Variants in PTCHD1 observed in about 807,000 individuals in gnomAD.
The protein encoded by PTCHD1 is patched domain containing 1, also known as patched domain-containing protein 1.
PTCHD1 carries 3 observed loss-of-function variants against 34.6 expected under a neutral mutation model. That is an observed-to-expected ratio of 0.09 (90% CI 0.04 to 0.22). The LOEUF (loss-of-function observed/expected upper bound fraction) is 0.22, where lower values mean the gene tolerates loss of function less well. PTCHD1 is among the 10% of genes least tolerant of loss of function. The probability of loss-of-function intolerance (pLI) is 1.00; values close to 1 mark genes in which losing one functional copy is unlikely to be tolerated. For missense variants in PTCHD1, 504 were observed against 685.5 expected, an observed-to-expected ratio of 0.74 and a Z score of 2.96; for synonymous variants, 305 against 283.1, an observed-to-expected ratio of 1.08 and a Z score of -0.77.
intron 1 of PTCHD1, among the ~76,000 whole-genome samples, chrX:23,365,541 C>G (rs1039269305): frequency 2.7e-5 from 3 of 111,285 alleles, no homozygotes; most frequent in Admixed American, 9.6e-5. Context: ...TATAATTAAG[C>G]AGGCCACTTC....
Position 23,393,138 on chromosome X carries a change from G to A in PTCHD1, c.1620G>A (p.Glu540=), listed in dbSNP as rs1922882183. Residue 540 remains glutamate (E), a synonymous_variant, in exon 3 of 3, where the codon GAG becomes GAA. Coordinates refer to ENST00000379361, the MANE Select transcript of PTCHD1 (RefSeq NM_173495.3). The part of the protein sequence containing the change: ...NIVATATQTI[E]YTTAQQKYFS... ...TAGCAACCGCGACACAAACCATTGA[G>A]TACACTACTGCCCAGCAAAAGTACT... 8.3e-7 allele frequency: 1 copy of A among 1,209,915 alleles called. No homozygotes were observed. Among genetic ancestry groups the A allele is most frequent in the Admixed American group, 2.2e-5 (1 of 45,799 alleles).
At chrX:23,348,400 A>G (rs1921535915) in intron 1 of PTCHD1, among the ~76,000 whole-genome samples, 1 of 111,340 alleles carries the variant, frequency 9.0e-6, no homozygotes, top group Non-Finnish European at 1.9e-5. Context: ...ACAATGGCCA[A>G]AAACTTTCTA....
intron 1 of PTCHD1, among the ~76,000 whole-genome samples, chrX:23,365,450 A>T (rs988672218): frequency 1.4e-4 from 16 of 110,980 alleles, no homozygotes; most frequent in Non-Finnish European, 2.6e-4. Flanking sequence ...AATCAAGTAA[A>T]GGCAGCTTAC....
rs1447660431 is a variant in PTCHD1 at position 23,394,577 on chromosome X, CA to C, written c.*394del. 6.8e-6 allele frequency: 1 copy of C among 147,909 alleles called. No homozygotes were observed. The highest frequency in any genetic ancestry group is 3.1e-5 in the African/African-American group (1 of 31,838). 12.2% of individuals were successfully genotyped at this position (147,909 alleles called of 1,213,427 possible). A position where few individuals can be genotyped will look rare whatever the true frequency, so the allele number is the denominator to read the frequency against. ...TGACAAAACCCACTGATTGAAAGGTCAACTGCCAAGGCAGAAACACCTTTAA... is the reference window on the plus strand; with the variant it reads ...TGACAAAACCCACTGATTGAAAGGTCACTGCCAAGGCAGAAACACCTTTAA... On this transcript the variant is annotated 3_prime_UTR_variant, in exon 3 of 3. Transcript: ENST00000379361.
rs1014929464 is a variant in PTCHD1, at chrX:23,340,948, C to A, written c.351+5722C>A. 2.7e-5 allele frequency among the ~76,000 whole-genome samples: 3 copies of A among 112,410 alleles called. No individual in the cohort carries two copies. The Admixed American group carries it at 2.8e-4, about 11-fold the overall frequency. On this transcript the variant is annotated intron_variant, in intron 1 of 2. Coordinates refer to ENST00000379361, the MANE Select transcript of PTCHD1 (RefSeq NM_173495.3). ...GGGAAAATTAAGGAGAGACTGAGAT[C>A]GGTTTTCATTCTCCTTTCATTTCGT...
chrX:23,334,980 C>G lies in PTCHD1; in HGVS notation c.105C>G (p.Ile35Met), dbSNP rs374630147. 7 of 1,208,068 alleles carry G rather than the reference C, an allele frequency of 5.8e-6. No individual in the cohort carries two copies. Among genetic ancestry groups the G allele is most frequent in the Middle Eastern group, 2.3e-4 (1 of 4,365 alleles). Residue 35 changes from isoleucine (I) to methionine (M), a missense_variant, in exon 1 of 3, where the codon ATC (isoleucine) becomes ATG (methionine). Coordinates refer to ENST00000379361, the MANE Select transcript of PTCHD1 (RefSeq NM_173495.3). ...PVFFASAPVL[I>M]SILLGASFSR... ...TCTTCGCCTCGGCGCCGGTGCTCAT[C>G]TCCATCCTGCTCGGCGCCAGCTTCA...
rs765921933 is a variant in PTCHD1 at position 23,334,870 on chromosome X, T to G, written c.-6T>G. 1.7e-6 allele frequency: 2 copies of G among 1,183,460 alleles called. No individual in the cohort carries two copies. On this transcript the variant is annotated 5_prime_UTR_variant, in exon 1 of 3. Coordinates refer to ENST00000379361, the MANE Select transcript of PTCHD1 (RefSeq NM_173495.3). ...CGCCCTCCTCCCGCGCCCGCTCTGC[T>G]CTAGGATGCTGCGGCAGGTTCTGCA...
rs1439312781 is a variant in PTCHD1, at chrX:23,394,321, A to G, written c.*136A>G. 1 of 481,271 alleles carries G rather than the reference A, an allele frequency of 2.1e-6. No homozygotes were observed. The highest frequency in any genetic ancestry group is 2.5e-5 in the African/African-American group (1 of 39,699). The allele number at this position is 481,271 out of a possible 1,213,427, so 39.7% of individuals were successfully genotyped here. ...CATTGCCAAAAAAAAAAAAAAAAAA[A>G]AAAGGAAAGGACAGTGGGGAGAAAT... On this transcript the variant is annotated 3_prime_UTR_variant, in exon 3 of 3. Transcript: ENST00000379361.
rs749301790 is a variant in PTCHD1, at chrX:23,348,636, GATAA to G, written c.351+13414_351+13417del. ...GAAAAAACTGCAAGAAGAGAATGAA[GATAA>G]ATAGTTAAAGGGTTAAAATGAAAAA... On this transcript the variant is annotated intron_variant, in intron 1 of 2. Coordinates refer to ENST00000379361, the MANE Select transcript of PTCHD1 (RefSeq NM_173495.3). 5.5e-5 allele frequency among the ~76,000 whole-genome samples: 6 copies of G among 109,230 alleles called. No individual in the cohort carries two copies. The South Asian group carries it at 2.4e-3, about 43-fold the overall frequency. The allele number at this position is 109,230 out of a possible 115,157, so 94.9% of individuals were successfully genotyped here. A position where few individuals can be genotyped will look rare whatever the true frequency, so the allele number is the denominator to read the frequency against.
chrX:23,390,329 G>GAA (rs754868031), intron 2 of PTCHD1, among the ~76,000 whole-genome samples: 52 of 69,515 alleles, frequency 7.5e-4, no homozygotes, highest in African/African-American at 1.7e-3. Flanking sequence ...ATGGCCCCAG[G>GAA]AAAAAAAAAA....
Position 23,358,883 on chromosome X carries a change from C to A in PTCHD1, c.352-20708C>A, listed in dbSNP as rs749700367. 2.0e-3 allele frequency among the ~76,000 whole-genome samples: 224 copies of A among 112,018 alleles called. 1 individual carries two copies. The highest frequency in any genetic ancestry group is 5.1e-3 in the African/African-American group (158 of 30,845). ...CTACATATGACTAGCCAGTTTTCCC[C>A]GCACCATTTATAAAATAGGGAATCC... is the stretch of plus-strand genomic sequence containing the variant. On this transcript the variant is annotated intron_variant, in intron 1 of 2. Transcript: ENST00000379361.
Position 23,394,392 on chromosome X carries a change from G to T in PTCHD1, c.*207G>T. 1.1e-5 allele frequency: 3 copies of T among 283,504 alleles called. No homozygotes were observed. The highest frequency in any genetic ancestry group is 1.2e-5 in the Non-Finnish European group (2 of 163,889). The allele number at this position is 283,504 out of a possible 1,213,427, so 23.4% of individuals were successfully genotyped here. ...CTTTAAAACAAAGGAGTTGTTATGA[G>T]AATTCACACACACATAGACACACAC... On this transcript the variant is annotated 3_prime_UTR_variant, in exon 3 of 3. Coordinates refer to ENST00000379361, the MANE Select transcript of PTCHD1 (RefSeq NM_173495.3).
Position 23,394,147 on chromosome X carries a change from G to C in PTCHD1, c.2629G>C (p.Asp877His). The C allele has an allele frequency of 2.5e-6, 3 of 1,208,387 alleles. No individual in the cohort carries two copies. The highest frequency in any genetic ancestry group is 3.4e-6 in the Non-Finnish European group (3 of 893,416). Reference sequence around the variant, plus strand: ...TGAGTGTGTAGAAATGGTAGATATCGATAGTACCCGTGTGGTTGACCAAAT... The same window carrying C: ...TGAGTGTGTAGAAATGGTAGATATCCATAGTACCCGTGTGGTTGACCAAAT... ...EIECVEMVDIDSTRVVDQITT... is the reference protein window; with the variant it reads ...EIECVEMVDIHSTRVVDQITT... The change falls in exon 3 of 3, where the codon GAT becomes CAT. Residue 877 changes from aspartate to histidine, a missense_variant. Transcript: ENST00000379361.
At chrX:23,356,721 T>C (rs761171874) in intron 1 of PTCHD1, among the ~76,000 whole-genome samples, 1 of 112,194 alleles carries the variant, frequency 8.9e-6, no homozygotes, top group Admixed American at 9.4e-5. Flanking sequence ...AGAGAGGCAG[T>C]TGCTCTATGA....
At chrX:23,337,361 G>T (rs977406880) in intron 1 of PTCHD1, among the ~76,000 whole-genome samples, 2 of 111,648 alleles carry the variant, frequency 1.8e-5, no homozygotes, top group African/African-American at 6.5e-5. Flanking sequence ...TAAAAATCCA[G>T]ACTTACGGAA....
chrX:23,381,339 T>G (rs983487006), intron 2 of PTCHD1, among the ~76,000 whole-genome samples: 1 of 112,625 alleles, frequency 8.9e-6, no homozygotes, highest in East Asian at 2.8e-4. Context: ...GCAGGGTTCT[T>G]GCGGGCCAAG....
intron 2 of PTCHD1, among the ~76,000 whole-genome samples, chrX:23,392,210 C>T (rs1922856224): frequency 9.3e-6 from 1 of 108,060 alleles, no homozygotes; most frequent in African/African-American, 3.4e-5. Flanking sequence ...ATGACTGGCT[C>T]TACTCAGCTT....
intron 1 of PTCHD1, among the ~76,000 whole-genome samples, chrX:23,376,952 C>T (rs1376608820): frequency 8.9e-6 from 1 of 112,070 alleles, no homozygotes; most frequent in East Asian, 2.8e-4. Context: ...AAGATTCCCT[C>T]CTATGGTCTT....
chrX:23,391,311 G>A (rs1201341477), intron 2 of PTCHD1, among the ~76,000 whole-genome samples: 2 of 111,373 alleles, frequency 1.8e-5, no homozygotes, highest in African/African-American at 3.3e-5. Context: ...TAGCAGAGTC[G>A]CTGCTGACGT....
Sources: gnomAD v4.1 joint callset for allele counts (sites outside exome capture counted in the v4.1 genomes callset) on GRCh38, gnomAD v4.1.1 for gene constraint, MANE v1.5 for transcripts, NCBI Gene and HGNC (gene_info 2026-07-23, HGNC 2026-07-21) for gene names.